PCDH15: variants seen among roughly 807,000 people sequenced by gnomAD.
PCDH15 encodes protocadherin-15.
In PCDH15, 129 loss-of-function variants were observed where a neutral mutation model predicts 178.5. That is an observed-to-expected ratio of 0.72 (90% confidence interval 0.63 to 0.84). The LOEUF (loss-of-function observed/expected upper bound fraction) is 0.84, where lower values mean the gene tolerates loss of function less well. Among genes scored for constraint, PCDH15 ranks in the 40% least tolerant of loss-of-function variants. The pLI is 0.00. For missense variants in PCDH15, 2,230 were observed against 2,099.9 expected, an observed-to-expected ratio of 1.06 and a Z score of -1.21; for synonymous variants, 800 against 732.0, an observed-to-expected ratio of 1.09 and a Z score of -1.50.
At chr10:54,957,262 A>G (rs1838513415) in intron 2 of PCDH15, among the ~76,000 whole-genome samples, 1 of 151,620 alleles carries the variant, frequency 6.6e-6, no homozygotes, top group South Asian at 2.1e-4. Context: ...TTGGGCAAAA[A>G]AAAATCAGTA....
At chr10:53,876,106 C>A (rs2080207778) in intron 26 of PCDH15, among the ~76,000 whole-genome samples, 4 of 151,976 alleles carry the variant, frequency 2.6e-5, no homozygotes, top group Admixed American at 2.6e-4. Flanking sequence ...CTACCAAGGT[C>A]ACTATGTCAA....
chr10:54,818,734 A>C (rs532925626), intron 3 of PCDH15, among the ~76,000 whole-genome samples: 5 of 151,962 alleles, frequency 3.3e-5, no homozygotes, highest in Non-Finnish European at 7.4e-5. Context: ...TCCATCTACT[A>C]TCTGACTGAA....
At chr10:54,125,935 T>A (rs890099884) in intron 15 of PCDH15, among the ~76,000 whole-genome samples, 2 of 152,184 alleles carry the variant, frequency 1.3e-5, no homozygotes, top group Admixed American at 1.3e-4. Context: ...GTATCCATTC[T>A]CCTCTTTTAC....
At chr10:55,614,933 T>C (rs904795767) in intron 2 of PCDH15, among the ~76,000 whole-genome samples, 3 of 152,188 alleles carry the variant, frequency 2.0e-5, no homozygotes, top group African/African-American at 7.2e-5. Flanking sequence ...GCAAATTGTT[T>C]ATTTCTAAGA....
At chr10:54,535,623 T>C (rs1018350762) in intron 2 of PCDH15, among the ~76,000 whole-genome samples, 2 of 136,420 alleles carry the variant, frequency 1.5e-5, no homozygotes, top group African/African-American at 5.5e-5. Context: ...GGCAGGAGAA[T>C]GGCATGAACC....
chr10:53,900,213 C>CTCTCTCTCTAAACTT (rs2082242352), intron 26 of PCDH15, among the ~76,000 whole-genome samples: 1 of 12,374 alleles, frequency 8.1e-5, no homozygotes, highest in Non-Finnish European at 1.3e-4. Flanking sequence ...TAAACTTTCT[C>CTCTCTCTCTAAACTT]TCTCTCTCTC....
chr10:54,624,833 T>A (rs1467684555), intron 2 of PCDH15, among the ~76,000 whole-genome samples: 1 of 152,236 alleles, frequency 6.6e-6, no homozygotes, highest in Non-Finnish European at 1.5e-5. Flanking sequence ...GAGAATCTAA[T>A]GCCTGGTGAT....
At chr10:53,840,784 C>A (rs1453415730) in intron 28 of PCDH15, among the ~76,000 whole-genome samples, 1 of 152,048 alleles carries the variant, frequency 6.6e-6, no homozygotes, top group Non-Finnish European at 1.5e-5. Flanking sequence ...ATGAGAAATG[C>A]CAAATATGCT....
At chr10:55,604,153 A>G in intron 2 of PCDH15, among the ~76,000 whole-genome samples, 1 of 106,518 alleles carries the variant, frequency 9.4e-6, no homozygotes, top group Non-Finnish European at 1.9e-5. Flanking sequence ...AAAGAAGGCC[A>G]TTACATAATG....
chr10:54,955,679 T>C (rs964051474), intron 2 of PCDH15, among the ~76,000 whole-genome samples: 4 of 151,358 alleles, frequency 2.6e-5, no homozygotes, highest in Non-Finnish European at 4.5e-5. Flanking sequence ...TAATCAAAAA[T>C]ATAATTTCAT....
intron 4 of PCDH15, among the ~76,000 whole-genome samples, chr10:54,371,741 G>A (rs190400116): frequency 2.6e-5 from 4 of 151,954 alleles, no homozygotes; most frequent in Non-Finnish European, 5.9e-5. Context: ...CTTATCAGTA[G>A]AAGAGTATAG....
intron 2 of PCDH15, among the ~76,000 whole-genome samples, chr10:54,643,008 C>T (rs896503939): frequency 9.9e-5 from 15 of 152,250 alleles, no homozygotes; most frequent in African/African-American, 2.6e-4. Flanking sequence ...CTGAAACCTC[C>T]GCCTCCTGGG....
At chr10:54,778,004 T>C (rs1168019396) in intron 1 of PCDH15, among the ~76,000 whole-genome samples, 1 of 152,218 alleles carries the variant, frequency 6.6e-6, no homozygotes, top group Non-Finnish European at 1.5e-5. Context: ...TTATTAATTA[T>C]GTGCATACTG....
chr10:55,287,309 C>T (rs1268405528), intron 1 of PCDH15, among the ~76,000 whole-genome samples: 2 of 151,968 alleles, frequency 1.3e-5, no homozygotes, highest in Non-Finnish European at 2.9e-5. Context: ...ACCTACATAG[C>T]CCCTGCTCCT....
At chr10:54,165,017 G>GA (rs1304037932) in intron 13 of PCDH15, among the ~76,000 whole-genome samples, 4 of 152,232 alleles carry the variant, frequency 2.6e-5, no homozygotes, top group Admixed American at 2.0e-4. Context: ...ATTTCTGATG[G>GA]AAAAATGATA....
intron 1 of PCDH15, among the ~76,000 whole-genome samples, chr10:55,268,643 A>G (rs2132244060): frequency 6.6e-6 from 1 of 152,276 alleles, no homozygotes; most frequent in South Asian, 2.1e-4. Flanking sequence ...ACAAACATAA[A>G]ACAAATTTTT....
chr10:54,017,339 A>G (rs1159254098), intron 20 of PCDH15, among the ~76,000 whole-genome samples: 1 of 152,158 alleles, frequency 6.6e-6, no homozygotes, highest in African/African-American at 2.4e-5. Flanking sequence ...TATAATATGT[A>G]TTTATCAAAG....
intron 1 of PCDH15, among the ~76,000 whole-genome samples, chr10:55,304,794 C>T (rs1006417762): frequency 1.3e-5 from 2 of 152,090 alleles, no homozygotes; most frequent in Admixed American, 6.5e-5. Flanking sequence ...CATCTACAGG[C>T]CAGAGTACCA....
At position 54,020,258 on chromosome 10, in the gene PCDH15, C is replaced by A. The variant is rs759471464; in HGVS notation, c.2685G>T (p.Leu895=). 3.1e-6 allele frequency: 5 copies of A among 1,613,694 alleles called. No individual in the cohort carries two copies. In the East Asian group the frequency reaches 1.1e-4, roughly 36 times the overall value. The change falls in exon 20 of 38, where the codon CTG becomes CTT. Residue 895 remains leucine, a synonymous_variant. Coordinates refer to ENST00000644397, the MANE Select transcript of PCDH15 (RefSeq NM_001384140.1). ...TTCCATAAATATCAAAGGCCTCTAC[C>A]AGAAAAGTGATACTTGCTTCTTGGT... is the stretch of plus-strand genomic sequence containing the variant. ...FPDQEASITF[L]VEAFDIYGTM...
Sources: gnomAD v4.1 joint callset for allele counts (sites outside exome capture counted in the v4.1 genomes callset) on GRCh38, gnomAD v4.1.1 for gene constraint, MANE v1.5 for transcripts, NCBI Gene and HGNC (gene_info 2026-07-23, HGNC 2026-07-21) for gene names.